The following KDM1A variants were observed in gnomAD, a reference collection of about 807,000 sequenced individuals.
KDM1A encodes lysine-specific histone demethylase 1A.
Under a neutral mutation model 109.4 loss-of-function variants are expected in KDM1A, and 49 were observed. That is an observed-to-expected ratio of 0.45 (90% confidence interval 0.36 to 0.57). The LOEUF (loss-of-function observed/expected upper bound fraction) is 0.57. Ranked by LOEUF, KDM1A falls within the 20% of genes least tolerant of loss-of-function variation. KDM1A has a pLI of 0.00. For missense variants in KDM1A, 668 were observed against 1,116.6 expected (o/e 0.60, Z 5.73); for synonymous variants, 380 against 415.4 (o/e 0.91, Z 1.04).
Position 23,019,519 on chromosome 1 carries a change from G to A in KDM1A, c.-78G>A. On this transcript the variant is annotated 5_prime_UTR_variant, in exon 1 of 21. Transcript: ENST00000400181. ...GCGGCGCGCGGGCAGCGTGAAGCGA[G>A]GCGAGGCAAGGCTTTTCGGACCCAC... 4 of 1,313,998 alleles carry A rather than the reference G, an allele frequency of 3.0e-6. No individual in the cohort carries two copies. The highest frequency in any genetic ancestry group is 3.9e-6 in the Non-Finnish European group (4 of 1,032,000). 81.4% of individuals were successfully genotyped at this position (1,313,998 alleles called of 1,614,324 possible).
intron 19 of KDM1A, 32 bp from the exon 20 acceptor site, chr1:23,082,188 G>T: frequency 6.2e-7 from 1 of 1,608,646 alleles, no homozygotes; most frequent in South Asian, 1.1e-5. Flanking sequence ...TTGGTGTCTC[G>T]TAATGACTTT....
At chr1:23,042,581 T>C (rs1017110987) in intron 2 of KDM1A, among the ~76,000 whole-genome samples, 9 of 146,886 alleles carry the variant, frequency 6.1e-5, no homozygotes, top group Non-Finnish European at 1.1e-4. Flanking sequence ...GCCTCCGAAG[T>C]AGCTGGGACT....
intron 13 of KDM1A, among the ~76,000 whole-genome samples, chr1:23,071,824 T>A (rs1643329257): frequency 6.6e-6 from 1 of 152,220 alleles, no homozygotes; most frequent in African/African-American, 2.4e-5. Context: ...CATGGCATGC[T>A]TATGAAATGG....
At chr1:23,080,090 G>C (rs915645442) in intron 18 of KDM1A, among the ~76,000 whole-genome samples, 3 of 152,126 alleles carry the variant, frequency 2.0e-5, no homozygotes, top group Admixed American at 2.0e-4. Context: ...TTTGTAATTG[G>C]ACTTAACTGT....
chr1:23,074,786 A>G (rs1489031756), intron 15 of KDM1A, among the ~76,000 whole-genome samples: 1 of 152,198 alleles, frequency 6.6e-6, no homozygotes, highest in Non-Finnish European at 1.5e-5. Context: ...TGTAATTATT[A>G]TTCCAGCACT....
chr1:23,077,564 T>C lies in KDM1A; in HGVS notation c.1867+204T>C, dbSNP rs72657828. On this transcript the variant is annotated intron_variant, in intron 16 of 20. Transcript: ENST00000400181. ...TATAAACTGGGAAATCGAAGCAAGT[T>C]TTAGAGTTTCCAATTTGTGCATGAG... 8.6e-3 allele frequency among the ~76,000 whole-genome samples: 1,303 copies of C among 152,304 alleles called. 15 individuals carry two copies. The highest frequency in any genetic ancestry group is 0.014 in the Non-Finnish European group (922 of 68,018).
intron 15 of KDM1A, among the ~76,000 whole-genome samples, chr1:23,076,720 C>T (rs1481947870): frequency 6.6e-6 from 1 of 152,018 alleles, no homozygotes; most frequent in East Asian, 1.9e-4. Context: ...GCCTGTAATA[C>T]CAGCACTTTA....
chr1:23,063,101 A>G (rs566238777), intron 9 of KDM1A, among the ~76,000 whole-genome samples: 3 of 151,460 alleles, frequency 2.0e-5, no homozygotes, highest in Non-Finnish European at 4.4e-5. Flanking sequence ...CATCTCCTGT[A>G]CATCAGGCAG....
chr1:23,020,047 C>A, intron 1 of KDM1A, 100 bp downstream of exon 1: 4 of 1,227,356 alleles, frequency 3.3e-6, no homozygotes, highest in Non-Finnish European at 3.2e-6. Flanking sequence ...GGCCCTGCGA[C>A]CACTCAGACC....
chr1:23,064,104 G>A (rs1643094814), intron 9 of KDM1A, among the ~76,000 whole-genome samples: 1 of 152,180 alleles, frequency 6.6e-6, no homozygotes, highest in Admixed American at 6.5e-5. Context: ...GCCCAGGCTG[G>A]TCTCAAACTC....
At chr1:23,068,941 C>A in intron 11 of KDM1A, 120 bp from the exon 12 acceptor site, 1 of 682,212 alleles carries the variant, frequency 1.5e-6, no homozygotes. Flanking sequence ...AGCCAACTTT[C>A]TTGTTCCTAA....
chr1:23,032,301 GT>G (rs1642007562), intron 2 of KDM1A, among the ~76,000 whole-genome samples: 1 of 148,554 alleles, frequency 6.7e-6, no homozygotes, highest in Non-Finnish European at 1.5e-5. Context: ...GTTGATAAAC[GT>G]TTCTTTGAAA....
intron 2 of KDM1A, among the ~76,000 whole-genome samples, chr1:23,040,424 A>C (rs1265852890): frequency 6.6e-6 from 1 of 152,200 alleles, no homozygotes; most frequent in Non-Finnish European, 1.5e-5. Context: ...AGACAACTGA[A>C]AGGCTGTTAT....
intron 3 of KDM1A, among the ~76,000 whole-genome samples, chr1:23,045,863 C>A (rs1321879628): frequency 1.3e-5 from 2 of 152,102 alleles, no homozygotes; most frequent in African/African-American, 2.4e-5. Context: ...ATCTTTGTCA[C>A]GTTCAGAAGC....
In KDM1A at chr1:23,034,233, A is replaced by T. The variant is rs1642075651; in HGVS notation, c.517+3599A>T. ...AATATTTCCATGCATTTTTATACTT[A>T]CTATACTTTTGAATATATTTGTTTT... On this transcript the variant is annotated intron_variant, in intron 2 of 20. Coordinates refer to ENST00000400181, the MANE Select transcript of KDM1A (RefSeq NM_001009999.3). 2.6e-5 allele frequency among the ~76,000 whole-genome samples: 4 copies of T among 152,304 alleles called. No homozygotes were observed. The South Asian group carries it at 8.3e-4, about 32-fold the overall frequency.
rs189014649 is a variant in KDM1A at position 23,055,130 on chromosome 1, C to T, written c.852C>T (p.Phe284=). The T allele has an allele frequency of 5.3e-5, 86 of 1,611,744 alleles. 2 individuals carry two copies. In the Middle Eastern group the frequency reaches 8.3e-4, roughly 15 times the overall value. The change falls in exon 6 of 21, where the codon TTC becomes TTT. Residue 284 remains phenylalanine, a synonymous_variant. Transcript: ENST00000400181. ...SYLERHGLIN[F]GIYKRIKPLP... ...TAGAGCGTCATGGTCTTATCAACTT[C>T]GGCATCTATAAGAGGATAAAACCCC...
rs554637758 is a variant in KDM1A, at chr1:23,025,909, C to T, written c.352-4560C>T. Among the ~76,000 whole-genome samples, 32 of 152,032 alleles carry T rather than the reference C, an allele frequency of 2.1e-4. No homozygotes were observed. The South Asian group carries it at 5.4e-3, about 26-fold the overall frequency. ...GAGTTTGATATCAGCCTTGGCAACA[C>T]GGCAAAACCCTGTTTATACAAAATT... On this transcript the variant is annotated intron_variant, in intron 1 of 20. Coordinates refer to ENST00000400181, the MANE Select transcript of KDM1A (RefSeq NM_001009999.3).
chr1:23,028,899 A>G (rs1439147321), intron 1 of KDM1A, among the ~76,000 whole-genome samples: 1 of 152,194 alleles, frequency 6.6e-6, no homozygotes, highest in African/African-American at 2.4e-5. Flanking sequence ...GGGCAGGGAC[A>G]CAGTCATAAT....
At chr1:23,021,177 A>G (rs1031271407) in intron 1 of KDM1A, among the ~76,000 whole-genome samples, 2 of 152,326 alleles carry the variant, frequency 1.3e-5, no homozygotes, top group South Asian at 2.1e-4. Context: ...TCTCTAAAGT[A>G]TAACCAGTGC....
Sources: allele counts gnomAD v4.1 joint callset (sites outside exome capture counted in the v4.1 genomes callset), GRCh38; gene constraint gnomAD v4.1.1; transcripts MANE v1.5; gene names NCBI Gene and HGNC (gene_info 2026-07-23, HGNC 2026-07-21).